Variants in VTA1 observed in about 807,000 individuals in gnomAD.
VTA1 encodes vesicle trafficking 1.
In VTA1, 24 loss-of-function variants were observed where a neutral mutation model predicts 36.9. That is an observed-to-expected ratio of 0.65 (90% CI 0.47 to 0.91). VTA1 has a LOEUF of 0.91. Among genes scored for constraint, VTA1 ranks in the 40% least tolerant of loss-of-function variants. VTA1 has a pLI of 0.00. For missense variants in VTA1, 393 were observed against 377.2 expected, an observed-to-expected ratio of 1.04 and a Z score of -0.35; for synonymous variants, 142 against 130.2, an observed-to-expected ratio of 1.09 and a Z score of -0.62.
At chr6:142,164,143 C>G (rs1774866086) in intron 1 of VTA1, among the ~76,000 whole-genome samples, 1 of 152,014 alleles carries the variant, frequency 6.6e-6, no homozygotes, top group Non-Finnish European at 1.5e-5. Flanking sequence ...GAAAAGATAC[C>G]TAATATTCTT....
chr6:142,161,051 G>A (rs1582878126), intron 1 of VTA1, among the ~76,000 whole-genome samples: 1 of 145,980 alleles, frequency 6.9e-6, no homozygotes, highest in Non-Finnish European at 1.5e-5. Context: ...TTCTTTATTA[G>A]CAGGCATTCA....
intron 5 of VTA1, among the ~76,000 whole-genome samples, chr6:142,191,028 G>T (rs370834764): frequency 8.6e-5 from 13 of 152,004 alleles, no homozygotes; most frequent in East Asian, 5.8e-4. Context: ...ACCCCACTTG[G>T]TCATGATATA....
chr6:142,213,857 A>G (rs1298976178), intron 7 of VTA1, among the ~76,000 whole-genome samples: 3 of 152,106 alleles, frequency 2.0e-5, no homozygotes, highest in Admixed American at 2.0e-4. Context: ...TAGATCTCCA[A>G]CCTGTGATGG....
intron 4 of VTA1, among the ~76,000 whole-genome samples, chr6:142,181,243 C>T (rs569841420): frequency 6.8e-6 from 1 of 146,936 alleles, no homozygotes; most frequent in African/African-American, 2.5e-5. Context: ...ATGCCATTCT[C>T]CTGCCTCAGC....
At chr6:142,194,975 A>T (rs888920503) in intron 5 of VTA1, among the ~76,000 whole-genome samples, 1 of 151,992 alleles carries the variant, frequency 6.6e-6, no homozygotes, top group Non-Finnish European at 1.5e-5. Flanking sequence ...CCAACCCTGC[A>T]CTCATTGGTA....
intron 1 of VTA1, among the ~76,000 whole-genome samples, chr6:142,160,448 T>C (rs568193119): frequency 1.3e-5 from 2 of 152,298 alleles, no homozygotes; most frequent in Non-Finnish European, 2.9e-5. Flanking sequence ...CAGGTTACCC[T>C]TCTTCAGATT....
At chr6:142,164,310 T>G (rs1386052440) in intron 1 of VTA1, among the ~76,000 whole-genome samples, 3 of 152,116 alleles carry the variant, frequency 2.0e-5, no homozygotes, top group African/African-American at 7.2e-5. Context: ...CAGTGCTAGT[T>G]AGTGTGCAGT....
At chr6:142,159,286 C>A (rs890808534) in intron 1 of VTA1, among the ~76,000 whole-genome samples, 1 of 151,974 alleles carries the variant, frequency 6.6e-6, no homozygotes, top group Non-Finnish European at 1.5e-5. Context: ...ACCATCTGCG[C>A]CCAGGAAGTG....
intron 3 of VTA1, 140 bp downstream of exon 3, chr6:142,169,817 AT>A: frequency 1.3e-6 from 1 of 758,524 alleles, no homozygotes; most frequent in Non-Finnish European, 1.9e-6. Flanking sequence ...CCTCACGGTG[AT>A]TTTAGATTAC....
Position 142,153,149 on chromosome 6 carries a change from T to C in VTA1, c.112+5750T>C, listed in dbSNP as rs149028908. ...TTACCACCTGACACATAAATGGAAT[T>C]TACAAATTCTTAATGAATGCCTCCT... On this transcript the variant is annotated intron_variant, in intron 1 of 7. Transcript: ENST00000367630. 4.5e-3 allele frequency among the ~76,000 whole-genome samples: 692 copies of C among 152,160 alleles called. 1 individual carries two copies. Among genetic ancestry groups the C allele is most frequent in the Non-Finnish European group, 6.9e-3 (471 of 67,918 alleles).
intron 1 of VTA1, among the ~76,000 whole-genome samples, chr6:142,148,162 A>C (rs1582871355): frequency 6.6e-6 from 1 of 152,376 alleles, no homozygotes; most frequent in South Asian, 2.1e-4. Flanking sequence ...TAAAACAAGT[A>C]ACTGGACAAT....
chr6:142,217,650 A>G (rs1055684071), intron 7 of VTA1, among the ~76,000 whole-genome samples: 9 of 151,888 alleles, frequency 5.9e-5, no homozygotes, highest in African/African-American at 2.2e-4. Context: ...ACTTATTTCA[A>G]ACAGAATTGA....
chr6:142,179,394 T>C lies in VTA1; in HGVS notation c.411+8973T>C, dbSNP rs370340523. ...TTTTTATCCAAGAAAAATAAAAACA[T>C]ATGTCCTGAAAAAGACTTGTTGAGG... is the stretch of plus-strand genomic sequence containing the variant. On this transcript the variant is annotated intron_variant, in intron 4 of 7. Transcript: ENST00000367630. Among the ~76,000 whole-genome samples the C allele has an allele frequency of 2.0e-5, 3 of 152,216 alleles. No individual in the cohort carries two copies. The South Asian group carries it at 6.2e-4, about 32-fold the overall frequency.
At chr6:142,188,772 C>CAGG (rs1775396011) in intron 4 of VTA1, among the ~76,000 whole-genome samples, 25 of 152,250 alleles carry the variant, frequency 1.6e-4, no homozygotes, top group Admixed American at 1.2e-3. Flanking sequence ...TTTTATCTTA[C>CAGG]ATCCTGTAAC....
At chr6:142,200,498 G>C (rs1372360903) in intron 6 of VTA1, among the ~76,000 whole-genome samples, 2 of 151,944 alleles carry the variant, frequency 1.3e-5, no homozygotes, top group East Asian at 3.9e-4. Flanking sequence ...AGGCACATCA[G>C]TATATATTTT....
intron 7 of VTA1, among the ~76,000 whole-genome samples, chr6:142,213,757 G>GGCTGGA (rs1188238882): frequency 6.6e-6 from 1 of 152,198 alleles, no homozygotes; most frequent in African/African-American, 2.4e-5. Context: ...TTTTAGCTAT[G>GGCTGGA]GCTGGAGCTG....
chr6:142,180,683 C>T (rs78791293), intron 4 of VTA1, among the ~76,000 whole-genome samples: 5,352 of 152,130 alleles, frequency 0.035, 320 homozygotes, highest in African/African-American at 0.12. Flanking sequence ...AAACCTAACA[C>T]CACTAATATT....
chr6:142,205,978 T>C (rs1356179142), intron 7 of VTA1, among the ~76,000 whole-genome samples: 2 of 152,150 alleles, frequency 1.3e-5, no homozygotes, highest in East Asian at 3.9e-4. Flanking sequence ...AAAAGGCTTA[T>C]GACAAAACAT....
At chr6:142,158,104 C>G (rs1778698663) in intron 1 of VTA1, among the ~76,000 whole-genome samples, 1 of 149,420 alleles carries the variant, frequency 6.7e-6, no homozygotes, top group African/African-American at 2.5e-5. Flanking sequence ...AAATACCTAT[C>G]AGTATGGAAA....
Sources: allele counts gnomAD v4.1 joint callset (sites outside exome capture counted in the v4.1 genomes callset), GRCh38; gene constraint gnomAD v4.1.1; transcripts MANE v1.5; gene names NCBI Gene and HGNC (gene_info 2026-07-23, HGNC 2026-07-21).